The following TMEM184A variants were observed in gnomAD, a reference collection of about 807,000 sequenced individuals.
The protein encoded by TMEM184A is sexually dimorphic, expressed in male gonads 1.
A neutral mutation model predicts 39.5 loss-of-function variants in TMEM184A; 40 were observed. That is an observed-to-expected ratio of 1.01 (90% confidence interval 0.79 to 1.32). The LOEUF (loss-of-function observed/expected upper bound fraction) is 1.32, where lower values mean the gene tolerates loss of function less well. Among genes scored for constraint, TMEM184A ranks in the 40% most tolerant of loss-of-function variants. The pLI is 0.00. For missense variants in TMEM184A, 603 were observed against 568.8 expected (o/e 1.06, Z -0.61); for synonymous variants, 280 against 252.3 (o/e 1.11, Z -1.04).
Position 1,547,907 on chromosome 7 carries a change from C to G in TMEM184A, c.847G>C (p.Val283Leu). ...LLLAILERCG[V>L]IPEVETSGGN... is the part of the protein sequence containing the mutation. ...CCGCTGGTCTCCACCTCCGGGATGA[C>G]CCCGCACCGCTCCAGGATGGCCAGC... The change falls in exon 8 of 9, where the codon GTC (valine) becomes CTC (leucine). Residue 283 changes from valine to leucine, a missense_variant. Transcript: ENST00000297477. The G allele has an allele frequency of 6.3e-7, 1 of 1,587,222 alleles. No individual in the cohort carries two copies. The highest frequency in any genetic ancestry group is 8.6e-7 in the Non-Finnish European group (1 of 1,167,630).
intron 6 of TMEM184A, chr7:1,549,175 TGTGTG>T (rs1182766050): frequency 1.3e-5 from 6 of 457,916 alleles, no homozygotes; most frequent in Non-Finnish European, 2.6e-5. Flanking sequence ...TGTACATACA[TGTGTG>T]GTGGTGTGTG....
chr7:1,553,255 T>G (rs890607731), intron 2 of TMEM184A, among the ~76,000 whole-genome samples: 33 of 151,876 alleles, frequency 2.2e-4, no homozygotes, highest in Admixed American at 2.2e-3. Flanking sequence ...CGGGTTCAAG[T>G]GATTCTCCTG....
chr7:1,555,797 T>C lies in TMEM184A; in HGVS notation c.1-313A>G, dbSNP rs936931312. Among the ~76,000 whole-genome samples, 1 of 152,180 alleles carries C rather than the reference T, an allele frequency of 6.6e-6. No individual in the cohort carries two copies. Among genetic ancestry groups the C allele is most frequent in the Non-Finnish European group, 1.5e-5 (1 of 68,026 alleles). On this transcript the variant is annotated intron_variant, in intron 1 of 8. Transcript: ENST00000297477. The surrounding 1 kb of genome is among the most constrained non-coding windows in gnomAD (Gnocchi z 5.2). The stretch of plus-strand genomic sequence containing the variant: ...TGCTTCTTAGGGGACAAAGACCGTC[T>C]TCCAGTGGGGCAGAAGAGGGGGAAC...
At chr7:1,547,449 G>A (rs904163405) in intron 8 of TMEM184A, among the ~76,000 whole-genome samples, 1 of 152,290 alleles carries the variant, frequency 6.6e-6, no homozygotes. Flanking sequence ...CTGGCCTCGG[G>A]TGGGCACCCT....
chr7:1,552,986 C>T (rs540140660), intron 2 of TMEM184A, among the ~76,000 whole-genome samples: 2 of 152,004 alleles, frequency 1.3e-5, no homozygotes, highest in East Asian at 1.9e-4. Context: ...ATCCGGGAAG[C>T]GGAGGCTGCA....
chr7:1,554,496 C>T lies in TMEM184A; in HGVS notation c.219+770G>A, dbSNP rs555672971. On this transcript the variant is annotated intron_variant, in intron 2 of 8. Coordinates refer to ENST00000297477, the MANE Select transcript of TMEM184A (RefSeq NM_001097620.2). ...CAAATCCCTGCAGCCGTGTGGCCCT[C>T]GCGGGCCTACACACGCACTCCCACC... 4.3e-4 allele frequency among the ~76,000 whole-genome samples: 65 copies of T among 152,292 alleles called. 1 individual carries two copies. Among genetic ancestry groups the T allele is most frequent in the Middle Eastern group, 3.4e-3 (1 of 294 alleles).
At position 1,546,497 on chromosome 7, in the gene TMEM184A, CTG is replaced by C. The variant is rs1372770709; in HGVS notation, c.*453_*454del. 2 of 157,010 alleles carry C rather than the reference CTG, an allele frequency of 1.3e-5. No homozygotes were observed. The highest frequency in any genetic ancestry group is 4.8e-5 in the African/African-American group (2 of 41,644). 9.7% of individuals were successfully genotyped at this position (157,010 alleles called of 1,614,324 possible). On this transcript the variant is annotated 3_prime_UTR_variant, in exon 9 of 9. Coordinates refer to ENST00000297477, the MANE Select transcript of TMEM184A (RefSeq NM_001097620.2). ...GGCCTGCGGCGCCCGGAGCTGCTGA[CTG>C]TGTCAGAGCCCGGCTGCCCAGCGCC...
chr7:1,553,589 G>A (rs941957912), intron 2 of TMEM184A, among the ~76,000 whole-genome samples: 3 of 151,924 alleles, frequency 2.0e-5, no homozygotes, highest in African/African-American at 4.8e-5. Flanking sequence ...CGGTGGGCGA[G>A]CAGAGGCTAC....
At chr7:1,552,103 TGAGTATTGG>T (rs1207495147) in intron 2 of TMEM184A, among the ~76,000 whole-genome samples, 1 of 152,054 alleles carries the variant, frequency 6.6e-6, no homozygotes, top group Non-Finnish European at 1.5e-5. Context: ...CTCAGCCTGC[TGAGTATTGG>T]GACTACAGGT....
At position 1,542,832 on chromosome 7, in the gene TMEM184A, C is replaced by T. The variant is rs1044517; in HGVS notation, c.*4120G>A. 1 of 152,700 alleles carries T rather than the reference C, an allele frequency of 6.5e-6. No individual in the cohort carries two copies. Among genetic ancestry groups the T allele is most frequent in the Non-Finnish European group, 1.5e-5 (1 of 68,070 alleles). 9.5% of individuals were successfully genotyped at this position (152,700 alleles called of 1,614,324 possible). The stretch of plus-strand genomic sequence containing the variant: ...ACGCCGCCACACCGCCTCACCCTGG[C>T]TTCTGTGCTACTTGGCAGTTCCATT... On this transcript the variant is annotated 3_prime_UTR_variant, in exon 9 of 9. Transcript: ENST00000297477.
intron 6 of TMEM184A, chr7:1,549,373 G>A (rs1784490218): frequency 5.1e-6 from 2 of 391,804 alleles, no homozygotes; most frequent in Non-Finnish European, 1.0e-5. Context: ...TCCTCCTTGT[G>A]CTGGGTGGCT....
chr7:1,550,413 G>T lies in TMEM184A; in HGVS notation c.386-18C>A, dbSNP rs200595840. 3.8e-4 allele frequency: 609 copies of T among 1,601,978 alleles called. 1 individual carries two copies. In the African/African-American group the frequency reaches 5.7e-3, roughly 15 times the overall value. On this transcript the variant is annotated intron_variant, in intron 3 of 8. Transcript: ENST00000297477. Reference sequence around the variant, plus strand: ...GACAAAGGCTGCAGGGAGCACAGAGGGGGACCGGCTGTGAGCCCTGAGCTG... The same window carrying T: ...GACAAAGGCTGCAGGGAGCACAGAGTGGGACCGGCTGTGAGCCCTGAGCTG...
rs201377434 is a variant in TMEM184A at position 1,550,881 on chromosome 7, G to T, written c.321C>A (p.Ser107Arg). 15 of 1,613,696 alleles carry T rather than the reference G, an allele frequency of 9.3e-6. No individual in the cohort carries two copies. Among genetic ancestry groups the T allele is most frequent in the Non-Finnish European group, 1.3e-5 (15 of 1,179,990 alleles). Residue 107 changes from serine to arginine, a missense_variant, in exon 3 of 9, where the codon AGC (serine) becomes AGA (arginine). Physicochemically the swap from Ser to Arg is moderately radical, Grantham distance 110. Transcript: ENST00000297477. ...VPIYAFDSWL[S>R]LLLLGDHQYY... is the part of the protein sequence containing the mutation. ...ACTGGTGGTCTCCGAGGAGGAGGAGGCTGAGCCAGGAGTCGAAGGCGTAGA... is the reference window on the plus strand; with the variant it reads ...ACTGGTGGTCTCCGAGGAGGAGGAGTCTGAGCCAGGAGTCGAAGGCGTAGA...
rs1434664790 is a variant in TMEM184A at position 1,546,737 on chromosome 7, C to G, written c.*215G>C. 1.9e-6 allele frequency: 1 copy of G among 525,854 alleles called. No individual in the cohort carries two copies. Among genetic ancestry groups the G allele is most frequent in the Non-Finnish European group, 3.3e-6 (1 of 299,242 alleles). The allele number at this position is 525,854 out of a possible 1,614,324, so 32.6% of individuals were successfully genotyped here. A position where few individuals can be genotyped will look rare whatever the true frequency, so the allele number is the denominator to read the frequency against. On this transcript the variant is annotated 3_prime_UTR_variant, in exon 9 of 9. Transcript: ENST00000297477. ...CTTCCGATTGGCTCAGGTGCCCTCT[C>G]CTGCGGTGGCGGGCCCACCTGGGTG...
rs192157702 is a variant in TMEM184A, at chr7:1,551,600, A to G, written c.220-618T>C. ...ATAAGTATGAATGTATATGTTAAAT[A>G]CATATTTCTGGTTACAACTAAAAAT... On this transcript the variant is annotated intron_variant, in intron 2 of 8. Transcript: ENST00000297477. Among the ~76,000 whole-genome samples the G allele has an allele frequency of 9.5e-4, 144 of 152,360 alleles. 1 individual carries two copies. The highest frequency in any genetic ancestry group is 1.9e-3 in the Non-Finnish European group (130 of 68,044).
intron 7 of TMEM184A, among the ~76,000 whole-genome samples, chr7:1,548,279 G>C (rs867218044): frequency 5.3e-5 from 1 of 18,798 alleles, no homozygotes; most frequent in Non-Finnish European, 9.0e-5. Context: ...GGAAACACCT[G>C]GTGTGGCCTC....
rs375916931 is a variant in TMEM184A at position 1,550,832 on chromosome 7, G to T, written c.370C>A (p.Arg124=). The T allele has an allele frequency of 5.6e-6, 9 of 1,613,096 alleles. 1 individual carries two copies. The highest frequency in any genetic ancestry group is 5.5e-5 in the South Asian group (5 of 91,076). Residue 124 remains arginine, a synonymous_variant, in exon 3 of 9, where the codon CGG becomes AGG. Transcript: ENST00000297477. ...HQYYVYFDSV[R]DCYEAFVIYS... is the part of the protein sequence containing the mutation. ...TGGCGCCCACCTTCGTAGCAGTCCC[G>T]CACAGAGTCGAAGTAGACGTAGTAC...
At position 1,548,700 on chromosome 7, in the gene TMEM184A, G is replaced by A. The variant is rs192030289; in HGVS notation, c.645-12C>T. 4.4e-3 allele frequency: 7,118 copies of A among 1,611,086 alleles called. 30 individuals carry two copies. The highest frequency in any genetic ancestry group is 5.4e-3 in the Non-Finnish European group (6,371 of 1,178,958). On this transcript the variant is annotated splice_polypyrimidine_tract_variant and intron_variant, in intron 6 of 8. Coordinates refer to ENST00000297477, the MANE Select transcript of TMEM184A (RefSeq NM_001097620.2). Reference sequence around the variant, plus strand: ...AGCCGCTGCGGACACTAGGACAGACGGGGGCTGTGGTCAGGGCGGTCCCAT... The same window carrying A: ...AGCCGCTGCGGACACTAGGACAGACAGGGGCTGTGGTCAGGGCGGTCCCAT...
intron 2 of TMEM184A, among the ~76,000 whole-genome samples, chr7:1,553,195 C>T (rs1195375560): frequency 6.6e-6 from 1 of 151,882 alleles, no homozygotes; most frequent in Non-Finnish European, 1.5e-5. Flanking sequence ...CTCTGTTGCC[C>T]AGGCTGGGGT....
Sources: gnomAD v4.1 joint callset for allele counts (sites outside exome capture counted in the v4.1 genomes callset) on GRCh38, gnomAD v4.1.1 for gene constraint, Gnocchi (gnomAD v3.1) non-coding constraint, MANE v1.5 for transcripts, NCBI Gene and HGNC (gene_info 2026-07-23, HGNC 2026-07-21) for gene names.